Variants in RBFOX1 observed in about 807,000 individuals in gnomAD.
RBFOX1 encodes the protein RNA binding protein fox-1 homolog 1.
RBFOX1 carries 8 observed loss-of-function variants against 57.7 expected under a neutral mutation model. That is an observed-to-expected ratio of 0.14 (90% CI 0.08 to 0.25). RBFOX1 has a LOEUF of 0.25. RBFOX1 is among the 10% of genes least tolerant of loss of function. The pLI, the probability that RBFOX1 is intolerant of heterozygous loss-of-function variation, is 1.00. For synonymous variants in RBFOX1, 326 were observed against 222.4 expected, an observed-to-expected ratio of 1.47 and a Z score of -4.15; for missense variants, 611 against 548.5, an observed-to-expected ratio of 1.11 and a Z score of -1.14.
chr16:5,745,866 A>C (rs918362440), intron 3 of RBFOX1, among the ~76,000 whole-genome samples: 7 of 152,018 alleles, frequency 4.6e-5, no homozygotes, highest in Non-Finnish European at 8.8e-5. Context: ...AGATTGCAAA[A>C]ATTTTCTCCC....
intron 3 of RBFOX1, among the ~76,000 whole-genome samples, chr16:7,025,743 A>G (rs1340512339): frequency 2.0e-5 from 3 of 152,116 alleles, no homozygotes; most frequent in African/African-American, 7.2e-5. Flanking sequence ...AGCAGGAGCC[A>G]TGGGCGTCCC....
chr16:6,522,749 T>A (rs540294884), intron 2 of RBFOX1, among the ~76,000 whole-genome samples: 1 of 152,160 alleles, frequency 6.6e-6, no homozygotes, highest in African/African-American at 2.4e-5. Flanking sequence ...TGTGTCTTCT[T>A]CTGCTTAACC....
At chr16:5,924,327 A>G (rs549204001) in intron 4 of RBFOX1, among the ~76,000 whole-genome samples, 3 of 151,950 alleles carry the variant, frequency 2.0e-5, no homozygotes, top group Non-Finnish European at 4.4e-5. Flanking sequence ...ACCCCTCCAA[A>G]CCTCATGTTA....
chr16:6,157,354 T>G (rs2096845822), intron 1 of RBFOX1, among the ~76,000 whole-genome samples: 1 of 152,140 alleles, frequency 6.6e-6, no homozygotes, highest in Non-Finnish European at 1.5e-5. Context: ...GATGCCCAGC[T>G]AAATTTGAAT....
At chr16:7,601,609 C>G (rs1202629795) in intron 9 of RBFOX1, among the ~76,000 whole-genome samples, 1 of 152,052 alleles carries the variant, frequency 6.6e-6, no homozygotes. Flanking sequence ...AAATATTTAT[C>G]TACGAGGAAA....
chr16:6,658,937 T>TTTTTTTG (rs768792834), intron 3 of RBFOX1, among the ~76,000 whole-genome samples: 2,650 of 111,250 alleles, frequency 0.024, 42 homozygotes, highest in Non-Finnish European at 0.04. Flanking sequence ...GGTTTTTTTG[T>TTTTTTTG]TTTTTTTGTT....
Position 7,713,099 on chromosome 16 carries a change from A to T in RBFOX1, c.*2354A>T, listed in dbSNP as rs2084237750. On this transcript the variant is annotated 3_prime_UTR_variant, in exon 16 of 16. Transcript: ENST00000550418. ...TAAACAAACATTTTGGATTTTTTTT[A>T]AACAGTATTTATTTGGAATGTTTTC... 1 of 152,208 alleles carries T rather than the reference A, an allele frequency of 6.6e-6. No homozygotes were observed. The highest frequency in any genetic ancestry group is 1.5e-5 in the Non-Finnish European group (1 of 68,040). 9.4% of individuals were successfully genotyped at this position (152,208 alleles called of 1,614,324 possible).
chr16:6,545,536 C>G (rs2096883020), intron 2 of RBFOX1, among the ~76,000 whole-genome samples: 1 of 152,196 alleles, frequency 6.6e-6, no homozygotes, highest in African/African-American at 2.4e-5. Context: ...AAGGTCCACT[C>G]TTATGTCACA....
intron 3 of RBFOX1, among the ~76,000 whole-genome samples, chr16:5,815,962 C>G (rs556712376): frequency 3.7e-4 from 56 of 152,234 alleles, no homozygotes; most frequent in South Asian, 1.4e-3. Context: ...ATCCATTAGG[C>G]TTGGTTGGAT....
intron 3 of RBFOX1, among the ~76,000 whole-genome samples, chr16:7,014,335 C>G (rs776304796): frequency 3.9e-5 from 6 of 151,984 alleles, no homozygotes; most frequent in Non-Finnish European, 8.8e-5. Flanking sequence ...ACGTCAGCCT[C>G]CCTAGTAGCC....
At chr16:5,519,722 C>G (rs2043938105) in intron 2 of RBFOX1, among the ~76,000 whole-genome samples, 1 of 152,144 alleles carries the variant, frequency 6.6e-6, no homozygotes, top group Non-Finnish European at 1.5e-5. Context: ...GAGATGGTGT[C>G]TCAGAAAAAA....
chr16:6,199,272 G>A (rs866617191), intron 1 of RBFOX1, among the ~76,000 whole-genome samples: 1 of 152,288 alleles, frequency 6.6e-6, no homozygotes. Flanking sequence ...ATAGGTGTAT[G>A]TTCACATAAT....
intron 1 of RBFOX1, among the ~76,000 whole-genome samples, chr16:5,257,226 T>C (rs1596320196): frequency 6.6e-6 from 1 of 152,016 alleles, no homozygotes; most frequent in African/African-American, 2.4e-5. Context: ...CCTTAGGCAA[T>C]ATCTGCAAAC....
intron 1 of RBFOX1, among the ~76,000 whole-genome samples, chr16:6,169,322 T>C (rs1162589736): frequency 6.6e-6 from 1 of 151,940 alleles, no homozygotes; most frequent in South Asian, 2.1e-4. Flanking sequence ...TGTTATCACG[T>C]TGGGGAAAGA....
intron 3 of RBFOX1, among the ~76,000 whole-genome samples, chr16:6,678,455 G>T (rs1350039239): frequency 6.6e-6 from 1 of 151,634 alleles, no homozygotes; most frequent in South Asian, 2.1e-4. Context: ...ATATGTTTAG[G>T]TGTGTGTATC....
intron 2 of RBFOX1, chr16:6,483,440 C>A (rs767271193): frequency 8.9e-5 from 137 of 1,535,556 alleles, no homozygotes; most frequent in Middle Eastern, 6.7e-4. Context: ...GCTGTTGCCT[C>A]GGACTTCTCC....
intron 3 of RBFOX1, among the ~76,000 whole-genome samples, chr16:6,969,048 A>C (rs1010561780): frequency 2.0e-5 from 3 of 152,142 alleles, no homozygotes; most frequent in Non-Finnish European, 1.5e-5. Context: ...TAGTTAATAC[A>C]GTTCCCATCC....
At chr16:6,892,057 G>A (rs1299705751) in intron 3 of RBFOX1, among the ~76,000 whole-genome samples, 1 of 152,156 alleles carries the variant, frequency 6.6e-6, no homozygotes, top group Admixed American at 6.5e-5. Context: ...GTGTGAAGTT[G>A]CCAGGTGGAT....
intron 3 of RBFOX1, among the ~76,000 whole-genome samples, chr16:6,915,520 T>G (rs1324813358): frequency 1.3e-5 from 2 of 151,312 alleles, no homozygotes; most frequent in Non-Finnish European, 2.9e-5. Context: ...ACAATAACTA[T>G]TTTTTCTAAG....
Sources: allele counts gnomAD v4.1 joint callset (sites outside exome capture counted in the v4.1 genomes callset), GRCh38; gene constraint gnomAD v4.1.1; transcripts MANE v1.5; gene names NCBI Gene and HGNC (gene_info 2026-07-23, HGNC 2026-07-21).